Variants in HS2ST1 observed in about 807,000 individuals in gnomAD.
HS2ST1 encodes 2-O-sulfotransferase.
A neutral mutation model predicts 42.9 loss-of-function variants in HS2ST1; 18 were observed. The ratio of observed to expected loss-of-function variants is 0.42; its 90% CI spans 0.29 to 0.62. The LOEUF (loss-of-function observed/expected upper bound fraction) is 0.62, where lower values mean the gene tolerates loss of function less well. HS2ST1 is among the 20% of genes least tolerant of loss of function. The pLI is 0.21. For missense variants in HS2ST1, 334 were observed against 433.8 expected, an observed-to-expected ratio of 0.77 and a Z score of 2.04; for synonymous variants, 146 against 152.9, an observed-to-expected ratio of 0.95 and a Z score of 0.33.
chr1:86,950,621 T>G (rs1157628490), intron 1 of HS2ST1, among the ~76,000 whole-genome samples: 4 of 152,352 alleles, frequency 2.6e-5, no homozygotes, highest in African/African-American at 9.6e-5. Context: ...GGGTACATGT[T>G]GACATATTTA....
At chr1:86,933,506 TAG>T (rs1660582180) in intron 1 of HS2ST1, among the ~76,000 whole-genome samples, 1 of 152,200 alleles carries the variant, frequency 6.6e-6, no homozygotes, top group African/African-American at 2.4e-5. Context: ...CAGTTTGTCT[TAG>T]AGTTTCCATG....
At chr1:86,977,382 TGA>T (rs1353045840) in intron 1 of HS2ST1, among the ~76,000 whole-genome samples, 9 of 152,092 alleles carry the variant, frequency 5.9e-5, no homozygotes, top group African/African-American at 2.2e-4. Context: ...CACAAGGGAG[TGA>T]GAAGATTTGC....
chr1:86,982,670 A>G (rs1648632015), intron 1 of HS2ST1, among the ~76,000 whole-genome samples: 1 of 151,988 alleles, frequency 6.6e-6, no homozygotes, highest in Admixed American at 6.6e-5. Context: ...GCCCACCACC[A>G]CGCCCGGCTA....
chr1:86,985,351 CA>C (rs71082050), intron 1 of HS2ST1, among the ~76,000 whole-genome samples: 1,489 of 26,958 alleles, frequency 0.055, 425 homozygotes, highest in African/African-American at 0.14. Flanking sequence ...AGACTTGTAT[CA>C]AAAAAAAAAA....
intron 1 of HS2ST1, among the ~76,000 whole-genome samples, chr1:86,918,176 C>T (rs1660205895): frequency 6.6e-6 from 1 of 151,878 alleles, no homozygotes; most frequent in African/African-American, 2.4e-5. Flanking sequence ...GAGGTGTACT[C>T]ATTGACTACT....
At chr1:87,090,047 C>T (rs1651903736) in intron 3 of HS2ST1, among the ~76,000 whole-genome samples, 1 of 151,960 alleles carries the variant, frequency 6.6e-6, no homozygotes, top group African/African-American at 2.4e-5. Context: ...GAATCACTAA[C>T]CCATTGTCCT....
At chr1:87,051,016 C>T (rs901787007) in intron 1 of HS2ST1, among the ~76,000 whole-genome samples, 5 of 152,116 alleles carry the variant, frequency 3.3e-5, no homozygotes, top group African/African-American at 1.2e-4. Context: ...CCTTCACTTC[C>T]TTTTAATATT....
At chr1:86,984,017 G>A (rs1483873235) in intron 1 of HS2ST1, among the ~76,000 whole-genome samples, 1 of 149,618 alleles carries the variant, frequency 6.7e-6, no homozygotes, top group Non-Finnish European at 1.5e-5. Flanking sequence ...TCTAGCCTGG[G>A]TGACAGAGCA....
At position 86,981,712 on chromosome 1, in the gene HS2ST1, C is replaced by A. The variant is rs1648597756; in HGVS notation, c.124+66552C>A. ...GGCCTTGGGCACTCTGCCCTTGTGGCTCTGCAGGGTATAGCCCTTGTGGCT... is the reference window on the plus strand; with the variant it reads ...GGCCTTGGGCACTCTGCCCTTGTGGATCTGCAGGGTATAGCCCTTGTGGCT... On this transcript the variant is annotated intron_variant, in intron 1 of 6. Transcript: ENST00000370550. Among the ~76,000 whole-genome samples, 5 of 152,256 alleles carry A rather than the reference C, an allele frequency of 3.3e-5. No homozygotes were observed. In the South Asian group the frequency reaches 1.0e-3, roughly 31 times the overall value.
rs1452623631 is a variant in HS2ST1 at position 86,985,445 on chromosome 1, CAT to C, written c.124+70291_124+70292del. Among the ~76,000 whole-genome samples the C allele has an allele frequency of 4.6e-4, 26 of 55,964 alleles. 1 individual carries two copies. The Admixed American group carries it at 4.9e-3, about 10-fold the overall frequency. The allele number at this position is 55,964 out of a possible 152,430, so 36.7% of individuals were successfully genotyped here. A position where few individuals can be genotyped will look rare whatever the true frequency, so the allele number is the denominator to read the frequency against. On this transcript the variant is annotated intron_variant, in intron 1 of 6. Transcript: ENST00000370550. Reference sequence around the variant, plus strand: ...ACACATATATACACACATATATACACATATATACACACATATATACACATATA... The same window carrying C: ...ACACATATATACACACATATATACACATATACACACATATATACACATATA...
chr1:86,984,391 G>A (rs962240438), intron 1 of HS2ST1, among the ~76,000 whole-genome samples: 3 of 152,120 alleles, frequency 2.0e-5, no homozygotes, highest in Non-Finnish European at 2.9e-5. Context: ...TGGTTTCCTC[G>A]ACGCTTTCTA....
At chr1:87,006,722 T>A (rs539107044) in intron 1 of HS2ST1, among the ~76,000 whole-genome samples, 2 of 152,134 alleles carry the variant, frequency 1.3e-5, no homozygotes, top group Non-Finnish European at 2.9e-5. Flanking sequence ...AAAGTTTGAA[T>A]CATTTTAGTC....
At chr1:87,055,495 T>C (rs2100617671) in intron 1 of HS2ST1, among the ~76,000 whole-genome samples, 1 of 152,322 alleles carries the variant, frequency 6.6e-6, no homozygotes, top group African/African-American at 2.4e-5. Context: ...CACTATGTCT[T>C]CAGGCCATTG....
At chr1:87,090,287 AG>A (rs1405184299) in intron 3 of HS2ST1, among the ~76,000 whole-genome samples, 1 of 152,038 alleles carries the variant, frequency 6.6e-6, no homozygotes, top group Non-Finnish European at 1.5e-5. Flanking sequence ...CATGAACAAG[AG>A]AGAAATGGTC....
At chr1:86,918,514 T>G (rs775080596) in intron 1 of HS2ST1, among the ~76,000 whole-genome samples, 1 of 151,972 alleles carries the variant, frequency 6.6e-6, no homozygotes, top group Non-Finnish European at 1.5e-5. Context: ...TTTTTTTGAG[T>G]GTTTCTTTTC....
chr1:86,938,837 G>A (rs527828425), intron 1 of HS2ST1, among the ~76,000 whole-genome samples: 7 of 152,220 alleles, frequency 4.6e-5, no homozygotes, highest in African/African-American at 1.7e-4. Flanking sequence ...AGAGAGTCTA[G>A]GAAATGTCAG....
chr1:87,064,786 G>A (rs898063427), intron 1 of HS2ST1, among the ~76,000 whole-genome samples: 7 of 151,912 alleles, frequency 4.6e-5, no homozygotes, highest in Middle Eastern at 3.2e-3. Context: ...TCAGCTTCCC[G>A]AGTAGCTGGG....
At chr1:87,016,120 T>C (rs941438887) in intron 1 of HS2ST1, among the ~76,000 whole-genome samples, 2 of 152,198 alleles carry the variant, frequency 1.3e-5, no homozygotes, top group African/African-American at 4.8e-5. Flanking sequence ...CGGCCTTAGC[T>C]CTTTTTCTTA....
In HS2ST1 at chr1:87,097,538, C is replaced by T. The variant is rs1399202493; in HGVS notation, c.589-300C>T. ...CCTCCTGAGTAGCTGGGACTACAGG[C>T]GCGTGCTACCACGCCCAGCTAATTT... On this transcript the variant is annotated intron_variant, in intron 4 of 6. Transcript: ENST00000370550. 5.9e-5 allele frequency among the ~76,000 whole-genome samples: 9 copies of T among 152,178 alleles called. No homozygotes were observed. The East Asian group carries it at 1.5e-3, about 26-fold the overall frequency.
Sources: allele counts gnomAD v4.1 joint callset (sites outside exome capture counted in the v4.1 genomes callset), GRCh38; gene constraint gnomAD v4.1.1; transcripts MANE v1.5; gene names NCBI Gene and HGNC (gene_info 2026-07-23, HGNC 2026-07-21).